Variants in DHCR7 observed in about 807,000 individuals in gnomAD.
The protein encoded by DHCR7 is 7-DHC reductase.
Under a neutral mutation model 43.3 loss-of-function variants are expected in DHCR7, and 40 were observed. That is an observed-to-expected ratio of 0.92 (90% CI 0.72 to 1.20). The LOEUF is 1.20. Among genes scored for constraint, DHCR7 ranks in the 50% most tolerant of loss-of-function variants. The pLI, the probability that DHCR7 is intolerant of heterozygous loss-of-function variation, is 0.00. For missense variants in DHCR7, 608 were observed against 644.6 expected (o/e 0.94, Z 0.62); for synonymous variants, 298 against 271.4 (o/e 1.10, Z -0.96).
intron 5 of DHCR7, 68 bp from the exon 6 acceptor site, chr11:71,441,508 A>T (rs1949348352): frequency 2.9e-6 from 4 of 1,359,840 alleles, no homozygotes; most frequent in South Asian, 2.5e-5. Context: ...GCTGGGCTGA[A>T]GCATGCCTGG....
At chr11:71,441,578 GA>G in intron 5 of DHCR7, 138 bp from the exon 6 acceptor site, 1 of 753,336 alleles carries the variant, frequency 1.3e-6, no homozygotes, top group East Asian at 2.7e-5. Flanking sequence ...GGGGCCCCAG[GA>G]ACCATCTCTG....
Position 71,437,951 on chromosome 11 carries a change from A to T in DHCR7, c.832-8T>A. On this transcript the variant is annotated splice_region_variant and splice_polypyrimidine_tract_variant and intron_variant, in intron 7 of 8. Coordinates refer to ENST00000355527, the MANE Select transcript of DHCR7 (RefSeq NM_001360.3). ...GTCAATCACGTAGATGGCCTGCAAG[A>T]CAGAAGCAGCCGCTGACCACCCCCG... The T allele has an allele frequency of 6.2e-7, 1 of 1,612,344 alleles. No homozygotes were observed. Among genetic ancestry groups the T allele is most frequent in the Non-Finnish European group, 8.5e-7 (1 of 1,179,976 alleles).
chr11:71,441,120 A>T (rs1477315072), intron 6 of DHCR7, 107 bp downstream of exon 6: 4 of 1,032,472 alleles, frequency 3.9e-6, no homozygotes, highest in Non-Finnish European at 6.0e-6. Flanking sequence ...TCTTCCACGG[A>T]TTCTCAGTGC....
At position 71,437,798 on chromosome 11, in the gene DHCR7, G is replaced by T. The variant is rs368368717; in HGVS notation, c.963+14C>A. ...CCAAATGCCCCGCTGGGCCAGCTCT[G>T]CCCACCTCCTCACCTGCAGCGTGTA... On this transcript the variant is annotated intron_variant, in intron 8 of 8. Coordinates refer to ENST00000355527, the MANE Select transcript of DHCR7 (RefSeq NM_001360.3). 1.5e-5 allele frequency: 24 copies of T among 1,613,620 alleles called. No homozygotes were observed. The African/African-American group carries it at 3.2e-4, about 21-fold the overall frequency.
At chr11:71,430,051 G>C (rs943884214), downstream of DHCR7, among the ~76,000 whole-genome samples, 2 of 152,230 alleles carry the variant, frequency 1.3e-5, no homozygotes, top group African/African-American at 4.8e-5. Context: ...CAAGGTTTGG[G>C]AAAGGGGCAA....
rs1333822866 is a variant in DHCR7 at position 71,435,826 on chromosome 11, A to G, written c.977T>C (p.Val326Ala). ...GGTGGACAGCTGCACGGGGTGGTAC[A>G]CCAAGTACAGACCCTGGGGGGCGAG... ...YLYTLQGLYL[V>A]YHPVQLSTPH... Residue 326 changes from valine (V) to alanine (A), a missense_variant, in exon 9 of 9, where the codon GTG becomes GCG. Physicochemically the swap from Val to Ala is moderately conservative, Grantham distance 64 (BLOSUM62 0). Transcript: ENST00000355527. 6.2e-7 allele frequency: 1 copy of G among 1,603,534 alleles called. No individual in the cohort carries two copies. The highest frequency in any genetic ancestry group is 2.2e-5 in the East Asian group (1 of 44,664).
intron 7 of DHCR7, among the ~76,000 whole-genome samples, chr11:71,438,203 G>A (rs1322607694): frequency 6.6e-6 from 1 of 152,214 alleles, no homozygotes; most frequent in Admixed American, 6.5e-5. Flanking sequence ...CTCAGGGCTT[G>A]CAATGGCGCG....
intron 2 of DHCR7, among the ~76,000 whole-genome samples, chr11:71,446,260 GA>G (rs57679336): frequency 0.021 from 1,391 of 65,914 alleles, 14 homozygotes; most frequent in African/African-American, 0.079. Flanking sequence ...CTTACCAAAT[GA>G]AAAAAAAAAA....
Position 71,438,970 on chromosome 11 carries a change from G to A in DHCR7, c.740C>T (p.Ala247Val), listed in dbSNP as rs886041354. 1 of 1,614,072 alleles carries A rather than the reference G, an allele frequency of 6.2e-7. No individual in the cohort carries two copies. Among genetic ancestry groups the A allele is most frequent in the Non-Finnish European group, 8.5e-7 (1 of 1,180,048 alleles). The change falls in exon 7 of 9, where the codon GCC becomes GTC. Residue 247 changes from alanine (A) to valine (V), a missense_variant. Coordinates refer to ENST00000355527, the MANE Select transcript of DHCR7 (RefSeq NM_001360.3). ...GAAGGACAGGTTGATGAGGGTCCAGGCGACGATCCCGGGGCGCCCATTGAA... is the reference window on the plus strand; with the variant it reads ...GAAGGACAGGTTGATGAGGGTCCAGACGACGATCCCGGGGCGCCCATTGAA... ...LFFNGRPGIV[A>V]WTLINLSFAA...
At chr11:71,431,010 C>T (rs1790350), downstream of DHCR7, among the ~76,000 whole-genome samples, 42,941 of 151,948 alleles carry the variant, frequency 0.28, 6,526 homozygotes, top group South Asian at 0.47. Flanking sequence ...CAAAAATTAG[C>T]CGGGTATGGT....
At chr11:71,445,075 C>T (rs971319517) in intron 2 of DHCR7, 117 bp from the exon 3 acceptor site, 26 of 817,622 alleles carry the variant, frequency 3.2e-5, no homozygotes, top group East Asian at 4.9e-5. Context: ...CACATCTTCC[C>T]GGTACCTTGT....
Position 71,446,565 on chromosome 11 carries a change from G to A in DHCR7, c.-7+1045C>T, listed in dbSNP as rs140583936. Among the ~76,000 whole-genome samples the A allele has an allele frequency of 1.8e-3, 269 of 152,300 alleles. 1 individual carries two copies. The highest frequency in any genetic ancestry group is 6.8e-3 in the Middle Eastern group (2 of 294). On this transcript the variant is annotated intron_variant, in intron 2 of 8. Transcript: ENST00000355527. ...TTTGCTGCTGGCAAGCAAGACTGTC[G>A]GATGTGGGATGTGGTAGAGAGTATT...
In DHCR7 at chr11:71,435,596, C is replaced by T. The variant is rs969937612; in HGVS notation, c.1207G>A (p.Ala403Thr). 12 of 1,605,606 alleles carry T rather than the reference C, an allele frequency of 7.5e-6. No individual in the cohort carries two copies. The highest frequency in any genetic ancestry group is 1.0e-5 in the Non-Finnish European group (12 of 1,178,816). Reference protein sequence around the residue: ...KLLVSGFWGVARHFNYVGDLM... With the variant: ...KLLVSGFWGVTRHFNYVGDLM... Reference sequence around the variant, plus strand: ...TCGCCGACGTAGTTGAAGTGGCGGGCCACGCCCCAGAAGCCCGACACCAGC... The same window carrying T: ...TCGCCGACGTAGTTGAAGTGGCGGGTCACGCCCCAGAAGCCCGACACCAGC... The change falls in exon 9 of 9, where the codon GCC becomes ACC. Residue 403 changes from alanine (A) to threonine (T), a missense_variant. Physicochemically the swap from Ala to Thr is moderately conservative, Grantham distance 58 (BLOSUM62 0). Coordinates refer to ENST00000355527, the MANE Select transcript of DHCR7 (RefSeq NM_001360.3).
chr11:71,436,513 A>C (rs2135940698), intron 8 of DHCR7, among the ~76,000 whole-genome samples: 1 of 152,300 alleles, frequency 6.6e-6, no homozygotes, highest in Middle Eastern at 3.4e-3. Flanking sequence ...AAGTACAAAA[A>C]TTAGCTGGGC....
rs760035984 is a variant in DHCR7, at chr11:71,435,847, G to A, written c.964-8C>T. The A allele has an allele frequency of 7.5e-6, 12 of 1,596,914 alleles. No individual in the cohort carries two copies. In the South Asian group the frequency reaches 9.9e-5, roughly 13 times the overall value. On this transcript the variant is annotated splice_polypyrimidine_tract_variant and splice_region_variant and intron_variant, in intron 8 of 8. Transcript: ENST00000355527. ...GTACACCAAGTACAGACCCTGGGGG[G>A]CGAGGGGGAAGGGGTCAAGCGGTGC...
Position 71,439,094 on chromosome 11 carries a change from T to G in DHCR7, c.627-11A>C, listed in dbSNP as rs945370070. ...TTGCCTGTGAATTTGCTTAAAAATA[T>G]AAATAAAAGATACATTTAGTGGATG... is the stretch of plus-strand genomic sequence containing the variant. On this transcript the variant is annotated splice_polypyrimidine_tract_variant and intron_variant, in intron 6 of 8. Coordinates refer to ENST00000355527, the MANE Select transcript of DHCR7 (RefSeq NM_001360.3). 1 of 1,611,060 alleles carries G rather than the reference T, an allele frequency of 6.2e-7. No homozygotes were observed. Among genetic ancestry groups the G allele is most frequent in the Non-Finnish European group, 8.5e-7 (1 of 1,177,918 alleles).
downstream of DHCR7, among the ~76,000 whole-genome samples, chr11:71,430,960 G>T (rs1949224948): frequency 6.6e-6 from 1 of 152,208 alleles, no homozygotes; most frequent in African/African-American, 2.4e-5. Context: ...TTCGAGACCA[G>T]CCTGACCAAC....
intron 8 of DHCR7, 86 bp from the exon 9 acceptor site, chr11:71,435,925 T>C: frequency 8.8e-7 from 1 of 1,130,170 alleles, no homozygotes; most frequent in Non-Finnish European, 1.3e-6. Flanking sequence ...CGGCCTGGGG[T>C]CAAACCCCAG....
intron 7 of DHCR7, 104 bp from the exon 8 acceptor site, chr11:71,438,047 G>T: frequency 7.2e-7 from 1 of 1,380,904 alleles, no homozygotes; most frequent in Non-Finnish European, 1.0e-6. Flanking sequence ...GTGCTCGGGA[G>T]CTGCTCAGCA....
Sources: gnomAD v4.1 joint callset for allele counts (sites outside exome capture counted in the v4.1 genomes callset) on GRCh38, gnomAD v4.1.1 for gene constraint, MANE v1.5 for transcripts, NCBI Gene and HGNC (gene_info 2026-07-23, HGNC 2026-07-21) for gene names.